The following ATP8A1 variants were observed in gnomAD, a reference collection of about 807,000 sequenced individuals.
ATP8A1 encodes ATPase phospholipid transporting 8A1, also known as phospholipid-transporting ATPase IA.
A neutral mutation model predicts 177.7 loss-of-function variants in ATP8A1; 90 were observed. The observed-to-expected ratio is 0.51, with a 90% CI of 0.43 to 0.60. The LOEUF (loss-of-function observed/expected upper bound fraction) is 0.60. ATP8A1 is among the 20% of genes least tolerant of loss of function. ATP8A1 has a pLI of 0.00. For missense variants in ATP8A1, 1,072 were observed against 1,392.8 expected (o/e 0.77, Z 3.67); for synonymous variants, 493 against 485.9 (o/e 1.01, Z -0.19).
rs1274299136 is a variant in ATP8A1, at chr4:42,411,916, C to A, written c.*1000G>T. ...TGGGAACTGGAACACAGGACAAAAG[C>A]CCATGCATTTATCTGACATGTTATT... On this transcript the variant is annotated 3_prime_UTR_variant, in exon 37 of 37. Coordinates refer to ENST00000381668, the MANE Select transcript of ATP8A1 (RefSeq NM_006095.2). 4 of 152,168 alleles carry A rather than the reference C, an allele frequency of 2.6e-5. No homozygotes were observed. The allele number at this position is 152,168 out of a possible 1,614,324, so 9.4% of individuals were successfully genotyped here.
Position 42,613,575 on chromosome 4 carries a change from T to G in ATP8A1, c.409+2458A>C, listed in dbSNP as rs190423752. Among the ~76,000 whole-genome samples the G allele has an allele frequency of 1.6e-4, 24 of 152,184 alleles. No individual in the cohort carries two copies. In the East Asian group the frequency reaches 4.4e-3, roughly 28 times the overall value. ...ATATTTTTAAACTTGTATTTTTTTT[T>G]ATTGTTGCATTGTTTTTCTTTTTTT... is the stretch of plus-strand genomic sequence containing the variant. On this transcript the variant is annotated intron_variant, in intron 5 of 36. Transcript: ENST00000381668.
At chr4:42,555,868 A>C in intron 16 of ATP8A1, 100 bp downstream of exon 16, 1 of 755,808 alleles carries the variant, frequency 1.3e-6, no homozygotes, top group Middle Eastern at 3.8e-4. Context: ...AAGATCATGA[A>C]AGTAAAAAAA....
intron 22 of ATP8A1, among the ~76,000 whole-genome samples, chr4:42,512,196 C>G (rs1187351724): frequency 6.6e-6 from 1 of 152,114 alleles, no homozygotes; most frequent in Non-Finnish European, 1.5e-5. Context: ...GACAAAACAC[C>G]AAGAACTAAT....
At chr4:42,638,875 T>A (rs958297637) in intron 1 of ATP8A1, among the ~76,000 whole-genome samples, 2 of 152,010 alleles carry the variant, frequency 1.3e-5, no homozygotes, top group Non-Finnish European at 2.9e-5. Flanking sequence ...CCTCTAAAAA[T>A]GCACAGGAAA....
chr4:42,461,761 G>A (rs1212756728), intron 27 of ATP8A1, among the ~76,000 whole-genome samples: 3 of 152,144 alleles, frequency 2.0e-5, no homozygotes, highest in Admixed American at 6.5e-5. Flanking sequence ...AGAGTTTGGA[G>A]AGCTCATAAA....
At chr4:42,495,800 C>T (rs1723218440) in intron 24 of ATP8A1, among the ~76,000 whole-genome samples, 1 of 152,020 alleles carries the variant, frequency 6.6e-6, no homozygotes, top group Non-Finnish European at 1.5e-5. Context: ...AGAGGTCCTC[C>T]AAACAGCTTA....
chr4:42,563,009 G>A lies in ATP8A1; in HGVS notation c.1340+6152C>T, dbSNP rs972120287. Reference sequence around the variant, plus strand: ...ATTGATACTAGTAGAGTGGGGCACCGCTGAAAAGATACCCGAAAATGTGGA... The same window carrying A: ...ATTGATACTAGTAGAGTGGGGCACCACTGAAAAGATACCCGAAAATGTGGA... On this transcript the variant is annotated intron_variant, in intron 15 of 36. Coordinates refer to ENST00000381668, the MANE Select transcript of ATP8A1 (RefSeq NM_006095.2). Among the ~76,000 whole-genome samples, 5 of 152,194 alleles carry A rather than the reference G, an allele frequency of 3.3e-5. 1 individual carries two copies. The highest frequency in any genetic ancestry group is 7.2e-5 in the African/African-American group (3 of 41,436).
intron 1 of ATP8A1, among the ~76,000 whole-genome samples, chr4:42,641,726 A>G (rs1402942318): frequency 6.6e-6 from 1 of 152,234 alleles, no homozygotes; most frequent in Non-Finnish European, 1.5e-5. Context: ...TACTGGGGAA[A>G]AAAATGAATG....
intron 20 of ATP8A1, among the ~76,000 whole-genome samples, chr4:42,542,467 A>T (rs1444066274): frequency 3.3e-5 from 5 of 152,010 alleles, no homozygotes; most frequent in African/African-American, 1.2e-4. Context: ...ATTATACTTT[A>T]AGTTCTAGGG....
At chr4:42,426,025 C>T (rs1714574878) in intron 33 of ATP8A1, among the ~76,000 whole-genome samples, 1 of 152,200 alleles carries the variant, frequency 6.6e-6, no homozygotes, top group African/African-American at 2.4e-5. Flanking sequence ...ACTGGGGCTT[C>T]AAAAATAAAC....
At chr4:42,508,719 A>G (rs1359604310) in intron 22 of ATP8A1, among the ~76,000 whole-genome samples, 3 of 152,216 alleles carry the variant, frequency 2.0e-5, no homozygotes, top group African/African-American at 7.2e-5. Flanking sequence ...AACCTCCAGC[A>G]TGATCCTCGT....
At chr4:42,505,622 A>C (rs1401260067) in intron 23 of ATP8A1, among the ~76,000 whole-genome samples, 1 of 152,210 alleles carries the variant, frequency 6.6e-6, no homozygotes, top group Non-Finnish European at 1.5e-5. Context: ...TAAAAAATAA[A>C]CTGAATTTTC....
At chr4:42,523,289 A>C (rs1184166116) in intron 21 of ATP8A1, among the ~76,000 whole-genome samples, 1 of 152,166 alleles carries the variant, frequency 6.6e-6, no homozygotes, top group African/African-American at 2.4e-5. Flanking sequence ...TCAGCTACCC[A>C]AGGAAGCAGT....
At chr4:42,540,298 T>C (rs1728252993) in intron 20 of ATP8A1, among the ~76,000 whole-genome samples, 1 of 152,130 alleles carries the variant, frequency 6.6e-6, no homozygotes, top group African/African-American at 2.4e-5. Flanking sequence ...GGCGAGGATG[T>C]GGAGAGAAAG....
At chr4:42,653,026 T>C (rs1292837867) in intron 1 of ATP8A1, among the ~76,000 whole-genome samples, 2 of 141,746 alleles carry the variant, frequency 1.4e-5, no homozygotes, top group African/African-American at 4.9e-5. Context: ...GTCTTGGGTA[T>C]GTTTTTATTA....
intron 20 of ATP8A1, among the ~76,000 whole-genome samples, chr4:42,527,893 C>T (rs1158548960): frequency 2.0e-5 from 3 of 152,168 alleles, no homozygotes; most frequent in African/African-American, 4.8e-5. Flanking sequence ...GACTCCACTA[C>T]ATAACCGACA....
At chr4:42,455,223 C>G in intron 29 of ATP8A1, 74 bp downstream of exon 29, 9 of 1,574,608 alleles carry the variant, frequency 5.7e-6, no homozygotes, top group Non-Finnish European at 7.8e-6. Flanking sequence ...CCTTTGAAAA[C>G]CACATACCCC....
At chr4:42,413,634 C>T (rs1712880062) in intron 36 of ATP8A1, among the ~76,000 whole-genome samples, 1 of 152,206 alleles carries the variant, frequency 6.6e-6, no homozygotes, top group African/African-American at 2.4e-5. Flanking sequence ...AATGCCCTCA[C>T]ATCAGTTCAT....
intron 4 of ATP8A1, among the ~76,000 whole-genome samples, chr4:42,616,943 C>T (rs7675051): frequency 0.23 from 34,357 of 152,072 alleles, 4,343 homozygotes; most frequent in Non-Finnish European, 0.29. Context: ...CATCAGACTC[C>T]ATTAACACTG....
Sources: gnomAD v4.1 joint callset for allele counts (sites outside exome capture counted in the v4.1 genomes callset) on GRCh38, gnomAD v4.1.1 for gene constraint, MANE v1.5 for transcripts, NCBI Gene and HGNC (gene_info 2026-07-23, HGNC 2026-07-21) for gene names.